TMTC2: variants seen among roughly 807,000 people sequenced by gnomAD.
TMTC2 encodes the protein transmembrane O-mannosyltransferase targeting cadherins 2.
In TMTC2, 43 loss-of-function variants were observed where a neutral mutation model predicts 82.4. The observed-to-expected ratio is 0.52, with a 90% CI of 0.41 to 0.67. TMTC2 has a LOEUF of 0.67. Among genes scored for constraint, TMTC2 ranks in the 30% least tolerant of loss-of-function variants. The pLI is 0.00. For synonymous variants in TMTC2, 408 were observed against 381.9 expected (o/e 1.07, Z -0.80); for missense variants, 919 against 1,012.4 (o/e 0.91, Z 1.25).
At chr12:83,033,808 A>G (rs34893191) in intron 9 of TMTC2, among the ~76,000 whole-genome samples, 91,119 of 139,006 alleles carry the variant, frequency 0.66, 28,820 homozygotes, top group South Asian at 0.74. Context: ...ATATACACAT[A>G]TATGTGTGTG....
chr12:82,836,415 G>A (rs1400042701), intron 1 of TMTC2, among the ~76,000 whole-genome samples: 3 of 152,194 alleles, frequency 2.0e-5, no homozygotes, highest in African/African-American at 2.4e-5. Flanking sequence ...GGAGGCTGGA[G>A]AGTCAGGGTC....
intron 1 of TMTC2, among the ~76,000 whole-genome samples, chr12:82,847,104 C>G (rs1236635613): frequency 2.0e-5 from 3 of 152,148 alleles, no homozygotes; most frequent in Non-Finnish European, 4.4e-5. Flanking sequence ...GTATTTCTCT[C>G]ATTCTCTTAC....
chr12:83,037,801 G>T (rs1881722865), intron 9 of TMTC2, among the ~76,000 whole-genome samples: 1 of 151,832 alleles, frequency 6.6e-6, no homozygotes, highest in East Asian at 1.9e-4. Flanking sequence ...TAAAAGCAAA[G>T]AATTAAGGAA....
chr12:82,868,674 A>G (rs1459366417), intron 2 of TMTC2, among the ~76,000 whole-genome samples: 1 of 150,506 alleles, frequency 6.6e-6, no homozygotes, highest in Non-Finnish European at 1.5e-5. Flanking sequence ...AGTAACTGCA[A>G]TAGCTTGCAG....
chr12:82,773,462 CT>C (rs1156750613), intron 1 of TMTC2, among the ~76,000 whole-genome samples: 21,178 of 129,614 alleles, frequency 0.16, 1,493 homozygotes, highest in Middle Eastern at 0.28. Context: ...AGTGATATTT[CT>C]TTTTTTTTTT....
At chr12:83,059,173 A>G (rs1882650509) in intron 10 of TMTC2, among the ~76,000 whole-genome samples, 1 of 151,800 alleles carries the variant, frequency 6.6e-6, no homozygotes, top group Non-Finnish European at 1.5e-5. Context: ...TCTTGACAAT[A>G]TTTAGTAGAA....
chr12:82,949,877 A>G (rs1302095613), intron 4 of TMTC2, among the ~76,000 whole-genome samples: 1 of 152,210 alleles, frequency 6.6e-6, no homozygotes, highest in Non-Finnish European at 1.5e-5. Flanking sequence ...AAACCCCTTT[A>G]TAAGTGTATT....
chr12:83,066,832 A>G (rs992391236), intron 11 of TMTC2, among the ~76,000 whole-genome samples: 2 of 152,010 alleles, frequency 1.3e-5, no homozygotes, highest in African/African-American at 4.8e-5. Flanking sequence ...TTGTAATCAG[A>G]GGGCTTTATT....
At chr12:83,113,563 C>A (rs1213016667) in intron 11 of TMTC2, among the ~76,000 whole-genome samples, 1 of 152,176 alleles carries the variant, frequency 6.6e-6, no homozygotes, top group African/African-American at 2.4e-5. Context: ...TAGAGACACA[C>A]AAGCCGTGTT....
intron 3 of TMTC2, among the ~76,000 whole-genome samples, chr12:82,922,254 A>T (rs1875440492): frequency 6.6e-6 from 1 of 152,248 alleles, no homozygotes. Flanking sequence ...CATGTAAAAA[A>T]TGCACATTAT....
At chr12:82,725,923 T>C (rs1460628979) in intron 1 of TMTC2, among the ~76,000 whole-genome samples, 1 of 152,128 alleles carries the variant, frequency 6.6e-6, no homozygotes, top group Non-Finnish European at 1.5e-5. Flanking sequence ...AGGTGACAAA[T>C]GTTTCCCTTT....
At chr12:82,726,864 G>T (rs1428436851) in intron 1 of TMTC2, among the ~76,000 whole-genome samples, 1 of 136,926 alleles carries the variant, frequency 7.3e-6, no homozygotes, top group Non-Finnish European at 1.5e-5. Flanking sequence ...GGGCGAGAGT[G>T]CAAGACTCTG....
chr12:82,802,744 G>T (rs1042184192), intron 1 of TMTC2, among the ~76,000 whole-genome samples: 1 of 152,116 alleles, frequency 6.6e-6, no homozygotes, highest in East Asian at 1.9e-4. Flanking sequence ...GGAAAGACAG[G>T]AAAAGAACTG....
At chr12:82,948,376 A>AC (rs58866368) in intron 4 of TMTC2, among the ~76,000 whole-genome samples, 752 of 43,854 alleles carry the variant, frequency 0.017, 1 homozygote, top group Non-Finnish European at 0.029. Context: ...ATTTAAACAA[A>AC]AAAAAAAAAG....
At chr12:83,031,009 C>A (rs1022330151) in intron 9 of TMTC2, 130 bp downstream of exon 9, 4 of 627,994 alleles carry the variant, frequency 6.4e-6, no homozygotes, top group Non-Finnish European at 1.1e-5. Flanking sequence ...TAGCCTCATG[C>A]TATATTCCTA....
chr12:83,031,146 A>G (rs781549423), intron 9 of TMTC2, among the ~76,000 whole-genome samples: 2 of 152,160 alleles, frequency 1.3e-5, no homozygotes, highest in Non-Finnish European at 1.5e-5. Context: ...TGGAGTTTAA[A>G]TGAGATCTCA....
chr12:82,867,059 T>A (rs1871904436), intron 2 of TMTC2, among the ~76,000 whole-genome samples: 1 of 152,216 alleles, frequency 6.6e-6, no homozygotes, highest in African/African-American at 2.4e-5. Flanking sequence ...AATAGCATCT[T>A]CGAAGTCAGT....
intron 2 of TMTC2, among the ~76,000 whole-genome samples, chr12:82,877,758 G>A (rs1378966020): frequency 6.6e-6 from 1 of 152,104 alleles, no homozygotes; most frequent in East Asian, 1.9e-4. Flanking sequence ...CTACAGTAAA[G>A]GATGGTCCTT....
At chr12:83,092,735 T>C (rs1439968953) in intron 11 of TMTC2, among the ~76,000 whole-genome samples, 1 of 152,234 alleles carries the variant, frequency 6.6e-6, no homozygotes, top group Admixed American at 6.5e-5. Context: ...GGGAATGTTT[T>C]ATCATTTGTC....
Sources: allele counts gnomAD v4.1 joint callset (sites outside exome capture counted in the v4.1 genomes callset), GRCh38; gene constraint gnomAD v4.1.1; transcripts MANE v1.5; gene names NCBI Gene and HGNC (gene_info 2026-07-23, HGNC 2026-07-21).